Variants in IPCEF1 observed in about 807,000 individuals in gnomAD.
The protein encoded by IPCEF1 is interactor protein for cytohesin exchange factors 1.
In IPCEF1, 31 loss-of-function variants were observed where a neutral mutation model predicts 50.9. The observed-to-expected ratio is 0.61, with a 90% CI of 0.46 to 0.82. IPCEF1 has a LOEUF of 0.82. Ranked by LOEUF, IPCEF1 falls within the 40% of genes least tolerant of loss-of-function variation. The pLI, the probability that IPCEF1 is intolerant of heterozygous loss-of-function variation, is 0.00. For missense variants in IPCEF1, 458 were observed against 514.0 expected (o/e 0.89, Z 1.05); for synonymous variants, 181 against 192.0 (o/e 0.94, Z 0.47).
intron 2 of IPCEF1, among the ~76,000 whole-genome samples, chr6:154,275,810 T>A (rs567518137): frequency 6.6e-6 from 1 of 152,276 alleles, no homozygotes; most frequent in Non-Finnish European, 1.5e-5. Flanking sequence ...TTATAAAAGC[T>A]GTCAGCCGCT....
At chr6:154,190,695 A>G (rs1272408315) in intron 10 of IPCEF1, among the ~76,000 whole-genome samples, 1 of 152,232 alleles carries the variant, frequency 6.6e-6, no homozygotes, top group Non-Finnish European at 1.5e-5. Context: ...CATCCATGCA[A>G]TAATCTGCAC....
intron 3 of IPCEF1, among the ~76,000 whole-genome samples, chr6:154,264,895 C>A (rs564101347): frequency 6.6e-6 from 1 of 152,278 alleles, no homozygotes; most frequent in African/African-American, 2.4e-5. Context: ...ATCCCTGTTA[C>A]CACAAAGTCC....
At chr6:154,274,429 G>A (rs1782003048) in intron 2 of IPCEF1, among the ~76,000 whole-genome samples, 1 of 152,090 alleles carries the variant, frequency 6.6e-6, no homozygotes, top group South Asian at 2.1e-4. Context: ...AATCCACAAA[G>A]CTAAGGGAGA....
chr6:154,331,730 G>A lies in IPCEF1; in HGVS notation c.-62+24942C>T, dbSNP rs542591574. Among the ~76,000 whole-genome samples, 65 of 152,118 alleles carry A rather than the reference G, an allele frequency of 4.3e-4. 2 individuals carry two copies. The South Asian group carries it at 7.5e-3, about 17-fold the overall frequency. ...ATATGACCTTCCTTGAGGAACACTC[G>A]ACTCAACAAAAATCCTCAAATGAGC... On this transcript the variant is annotated intron_variant, in intron 1 of 11. Transcript: ENST00000367220.
intron 2 of IPCEF1, among the ~76,000 whole-genome samples, chr6:154,276,723 A>G (rs1392959753): frequency 2.0e-5 from 3 of 152,224 alleles, no homozygotes; most frequent in Non-Finnish European, 2.9e-5. Context: ...TCTCCTTAGA[A>G]GCAGGCTTTT....
chr6:154,248,306 CG>C (rs1781217889), intron 3 of IPCEF1, among the ~76,000 whole-genome samples: 1 of 147,242 alleles, frequency 6.8e-6, no homozygotes, highest in African/African-American at 2.5e-5. Context: ...CTTTAAAATA[CG>C]TGTGTGTGTG....
At chr6:154,261,658 G>A (rs1203401904) in intron 3 of IPCEF1, among the ~76,000 whole-genome samples, 1 of 152,162 alleles carries the variant, frequency 6.6e-6, no homozygotes, top group Non-Finnish European at 1.5e-5. Flanking sequence ...TAGCAAAACA[G>A]GACAATGCTG....
chr6:154,351,130 G>A (rs1784112708), intron 1 of IPCEF1, among the ~76,000 whole-genome samples: 1 of 152,186 alleles, frequency 6.6e-6, no homozygotes, highest in African/African-American at 2.4e-5. Context: ...GGACACTCAA[G>A]TCTCCTAGCC....
chr6:154,235,531 CAAAAAA>C (rs34877577), intron 5 of IPCEF1, among the ~76,000 whole-genome samples: 3 of 97,594 alleles, frequency 3.1e-5, no homozygotes, highest in African/African-American at 1.1e-4. Context: ...AACTCTGTCA[CAAAAAA>C]AAAAAAAAAA....
At chr6:154,327,097 A>C (rs1175869514) in intron 1 of IPCEF1, among the ~76,000 whole-genome samples, 1 of 152,230 alleles carries the variant, frequency 6.6e-6, no homozygotes, top group Admixed American at 6.5e-5. Flanking sequence ...TGTAAAACCC[A>C]AAACCATAAA....
chr6:154,241,105 G>A (rs1437074853), intron 5 of IPCEF1, among the ~76,000 whole-genome samples: 2 of 151,874 alleles, frequency 1.3e-5, no homozygotes, highest in South Asian at 2.1e-4. Context: ...GCGTGGTGGT[G>A]CACGCCTGTA....
rs147106962 is a variant in IPCEF1 at position 154,230,164 on chromosome 6, A to G, written c.247-6921T>C. Among the ~76,000 whole-genome samples, 5 of 152,346 alleles carry G rather than the reference A, an allele frequency of 3.3e-5. No homozygotes were observed. The East Asian group carries it at 5.8e-4, about 18-fold the overall frequency. ...GTTGCATCACTTGGTAAATCTACCA[A>G]AAATGAATGAACTGCAAATTTGAAT... On this transcript the variant is annotated intron_variant, in intron 5 of 11. Coordinates refer to ENST00000367220, the MANE Select transcript of IPCEF1 (RefSeq NM_001130700.2).
chr6:154,163,454 T>C (rs984959367), intron 11 of IPCEF1, among the ~76,000 whole-genome samples: 8 of 152,230 alleles, frequency 5.3e-5, no homozygotes, highest in Non-Finnish European at 1.2e-4. Flanking sequence ...TTCCTCAACA[T>C]GTTCTATCCC....
chr6:154,293,376 A>C (rs932638217), intron 1 of IPCEF1, among the ~76,000 whole-genome samples: 4 of 152,224 alleles, frequency 2.6e-5, no homozygotes, highest in African/African-American at 9.6e-5. Flanking sequence ...CTTTCAGTAT[A>C]GAAAGATCTT....
intron 1 of IPCEF1, among the ~76,000 whole-genome samples, chr6:154,311,375 T>C (rs1006182106): frequency 1.3e-5 from 2 of 152,184 alleles, no homozygotes; most frequent in African/African-American, 4.8e-5. Context: ...TAAATATCAG[T>C]GTTCCTTAGG....
At chr6:154,193,632 G>T (rs1196823202) in intron 10 of IPCEF1, among the ~76,000 whole-genome samples, 1 of 152,106 alleles carries the variant, frequency 6.6e-6, no homozygotes, top group African/African-American at 2.4e-5. Flanking sequence ...TCAACAACAA[G>T]AAGTTATAAG....
intron 1 of IPCEF1, among the ~76,000 whole-genome samples, chr6:154,330,683 A>G (rs971330046): frequency 2.0e-5 from 3 of 152,080 alleles, no homozygotes; most frequent in Non-Finnish European, 4.4e-5. Flanking sequence ...TTTAAAACCA[A>G]TCCAAGCATT....
chr6:154,245,479 G>A (rs759921516), intron 5 of IPCEF1, among the ~76,000 whole-genome samples: 5 of 152,122 alleles, frequency 3.3e-5, no homozygotes, highest in Non-Finnish European at 5.9e-5. Flanking sequence ...TGTGAGCAAC[G>A]AAAATTGATT....
In IPCEF1 at chr6:154,219,945, G is replaced by A. The variant is rs563396872; in HGVS notation, c.392+1312C>T. Among the ~76,000 whole-genome samples the A allele has an allele frequency of 7.9e-5, 12 of 152,006 alleles. No individual in the cohort carries two copies. In the South Asian group the frequency reaches 2.5e-3, roughly 31 times the overall value. On this transcript the variant is annotated intron_variant, in intron 7 of 11. Transcript: ENST00000367220. ...AGGTGAGGATAGGGGACAGATGAGA[G>A]TCCTTCTAGCTGGACAGAGCTGAGC...
Sources: gnomAD v4.1 joint callset for allele counts (sites outside exome capture counted in the v4.1 genomes callset) on GRCh38, gnomAD v4.1.1 for gene constraint, MANE v1.5 for transcripts, NCBI Gene and HGNC (gene_info 2026-07-23, HGNC 2026-07-21) for gene names.